Variants in GCFC2 observed in about 807,000 individuals in gnomAD.
GCFC2 encodes intron Large complex component GCFC2.
Under a neutral mutation model 99.4 loss-of-function variants are expected in GCFC2, and 102 were observed. The observed-to-expected ratio is 1.03, with a 90% CI of 0.87 to 1.21. GCFC2 has a LOEUF of 1.21. Among genes scored for constraint, GCFC2 ranks in the 50% most tolerant of loss-of-function variants. The pLI, the probability that GCFC2 is intolerant of heterozygous loss-of-function variation, is 0.00. For missense variants in GCFC2, 973 were observed against 920.9 expected (o/e 1.06, Z -0.73); for synonymous variants, 338 against 316.8 (o/e 1.07, Z -0.71).
chr2:75,702,969 G>A (rs529098967), intron 2 of GCFC2, among the ~76,000 whole-genome samples: 2 of 152,276 alleles, frequency 1.3e-5, no homozygotes, highest in South Asian at 2.1e-4. Flanking sequence ...TAGCCTCTGC[G>A]GTTCTGTAGT....
At chr2:75,688,948 T>C in intron 10 of GCFC2, 78 bp downstream of exon 10, 1 of 795,146 alleles carries the variant, frequency 1.3e-6, no homozygotes, top group Non-Finnish European at 2.1e-6. Context: ...GTAAGGTATT[T>C]AATGCCTAAC....
rs201807357 is a variant in GCFC2 at position 75,687,847 on chromosome 2, G to T, written c.1670C>A (p.Thr557Lys). Residue 557 changes from threonine (T) to lysine (K), a missense_variant, in exon 11 of 17, where the codon ACA becomes AAA. Coordinates refer to ENST00000321027, the MANE Select transcript of GCFC2 (RefSeq NM_003203.5). ...AGTACCTGTAAGTCGGGGAATAATT[G>T]TTTTGTTGATGATTGCAGACAAGAC... ...KKVLSAIINK[T>K]IIPRLTDFVE... is the part of the protein sequence containing the mutation. 1 of 1,605,620 alleles carries T rather than the reference G, an allele frequency of 6.2e-7. No homozygotes were observed. The highest frequency in any genetic ancestry group is 1.3e-5 in the African/African-American group (1 of 74,328).
Position 75,701,293 on chromosome 2 carries a change from G to C in GCFC2, c.620-6C>G, listed in dbSNP as rs753449346. On this transcript the variant is annotated splice_polypyrimidine_tract_variant and splice_region_variant and intron_variant, in intron 3 of 16. Coordinates refer to ENST00000321027, the MANE Select transcript of GCFC2 (RefSeq NM_003203.5). ...TGTTTCTTCATTTCTGCTTACTAGC[G>C]GAAAAAAAGCTCACATGTAAACGTT... 13 of 1,544,320 alleles carry C rather than the reference G, an allele frequency of 8.4e-6. No homozygotes were observed. The Admixed American group carries it at 1.9e-4, about 22-fold the overall frequency.
intron 15 of GCFC2, among the ~76,000 whole-genome samples, chr2:75,667,849 C>G (rs1678918446): frequency 6.6e-6 from 1 of 152,110 alleles, no homozygotes; most frequent in Non-Finnish European, 1.5e-5. Flanking sequence ...TAAACCTGAA[C>G]AACATTACAT....
chr2:75,688,419 T>C (rs1222490389), intron 10 of GCFC2, among the ~76,000 whole-genome samples: 2 of 152,246 alleles, frequency 1.3e-5, no homozygotes, highest in Non-Finnish European at 2.9e-5. Context: ...GTGATTTAGT[T>C]AAAGGTCCTA....
intron 11 of GCFC2, among the ~76,000 whole-genome samples, chr2:75,687,383 TTAAA>T (rs1442524593): frequency 6.6e-6 from 1 of 152,080 alleles, no homozygotes; most frequent in Non-Finnish European, 1.5e-5. Flanking sequence ...TAAACTGACT[TTAAA>T]TACTAAGTGA....
intron 12 of GCFC2, among the ~76,000 whole-genome samples, chr2:75,674,824 T>C (rs1395068058): frequency 2.6e-5 from 4 of 152,176 alleles, no homozygotes; most frequent in Non-Finnish European, 5.9e-5. Context: ...TAATTATCTA[T>C]AACATATTCC....
chr2:75,701,023 C>A (rs112015005), intron 4 of GCFC2, among the ~76,000 whole-genome samples, 167 bp downstream of exon 4: 10 of 152,190 alleles, frequency 6.6e-5, no homozygotes, highest in Non-Finnish European at 5.9e-5. Flanking sequence ...CTCCCCACAA[C>A]CCCCCAGGGC....
intron 11 of GCFC2, among the ~76,000 whole-genome samples, chr2:75,685,184 G>A (rs1160420389): frequency 6.6e-6 from 1 of 152,132 alleles, no homozygotes; most frequent in South Asian, 2.1e-4. Flanking sequence ...TTCTGCACAT[G>A]TACCCCAGAA....
rs186678161 is a variant in GCFC2, at chr2:75,670,130, C to T, written c.2103+8G>A. ...TAAAATTAGAATCAGTCTTCCTTCA[C>T]AACTTACCTGGTTGCACTTTTTAAC... On this transcript the variant is annotated splice_region_variant and intron_variant, in intron 15 of 16. Transcript: ENST00000321027. 1.2e-3 allele frequency: 1,828 copies of T among 1,577,006 alleles called. 4 individuals carry two copies. Among genetic ancestry groups the T allele is most frequent in the Middle Eastern group, 6.9e-3 (41 of 5,958 alleles).
rs576379158 is a variant in GCFC2 at position 75,693,502 on chromosome 2, T to C, written c.1020+739A>G. Among the ~76,000 whole-genome samples, 10 of 152,256 alleles carry C rather than the reference T, an allele frequency of 6.6e-5. No homozygotes were observed. In the East Asian group the frequency reaches 1.7e-3, roughly 26 times the overall value. On this transcript the variant is annotated intron_variant, in intron 6 of 16. Coordinates refer to ENST00000321027, the MANE Select transcript of GCFC2 (RefSeq NM_003203.5). ...ATGTGGAAAGTAGAGAATAATTTAT[T>C]GAAATGGTTAATCTATTTTTAAAAA...
At chr2:75,706,138 C>T (rs1178066832) in intron 2 of GCFC2, among the ~76,000 whole-genome samples, 1 of 152,224 alleles carries the variant, frequency 6.6e-6, no homozygotes, top group Non-Finnish European at 1.5e-5. Flanking sequence ...CAAATACTTT[C>T]AGCCAGAGCT....
At chr2:75,697,248 C>G (rs533948294) in intron 4 of GCFC2, among the ~76,000 whole-genome samples, 2 of 152,202 alleles carry the variant, frequency 1.3e-5, no homozygotes, top group Admixed American at 6.5e-5. Context: ...TACACAAAGA[C>G]ACATGAAGAA....
chr2:75,708,317 G>A (rs1680962874), intron 1 of GCFC2, among the ~76,000 whole-genome samples: 1 of 151,784 alleles, frequency 6.6e-6, no homozygotes, highest in South Asian at 2.1e-4. Context: ...GATTTTTTTG[G>A]TATTGTACAA....
At chr2:75,688,241 G>A (rs950392970) in intron 10 of GCFC2, among the ~76,000 whole-genome samples, 1 of 152,094 alleles carries the variant, frequency 6.6e-6, no homozygotes, top group South Asian at 2.1e-4. Context: ...GTGTGTGCCG[G>A]AGCCTTTAGA....
intron 1 of GCFC2, among the ~76,000 whole-genome samples, chr2:75,707,035 T>C (rs10178813): frequency 0.023 from 3,517 of 152,316 alleles, 134 homozygotes; most frequent in African/African-American, 0.08. Flanking sequence ...CTGTTTTACA[T>C]GACTTATTTA....
At chr2:75,670,331 A>G in intron 14 of GCFC2, 47 bp from the exon 15 acceptor site, 1 of 1,306,216 alleles carries the variant, frequency 7.7e-7, no homozygotes, top group Non-Finnish European at 1.1e-6. Flanking sequence ...CCAAAGAGAA[A>G]CTGTAATAGT....
At chr2:75,677,613 C>T (rs889679753) in intron 12 of GCFC2, among the ~76,000 whole-genome samples, 2 of 152,154 alleles carry the variant, frequency 1.3e-5, no homozygotes, top group Admixed American at 6.5e-5. Flanking sequence ...GACTGAAAAC[C>T]CTGATGTAAT....
chr2:75,689,089 T>A lies in GCFC2; in HGVS notation c.1476A>T (p.Leu492Phe), dbSNP rs775075253. ...PDSYYEAFISLCIPKLLNPLI... is the reference protein window; with the variant it reads ...PDSYYEAFISFCIPKLLNPLI... ...GGGGATTTAAAAGCTTTGGTATGCA[T>A]AAACTAATGAAAGCTTCATAATAGG... The change falls in exon 10 of 17, where the codon TTA (leucine) becomes TTT (phenylalanine). Residue 492 changes from leucine to phenylalanine, a missense_variant. Leu to Phe is a conservative substitution (Grantham distance 22, BLOSUM62 0). Coordinates refer to ENST00000321027, the MANE Select transcript of GCFC2 (RefSeq NM_003203.5). 1 of 1,599,680 alleles carries A rather than the reference T, an allele frequency of 6.3e-7. No individual in the cohort carries two copies. Among genetic ancestry groups the A allele is most frequent in the Non-Finnish European group, 8.6e-7 (1 of 1,168,498 alleles).
Sources: allele counts gnomAD v4.1 joint callset (sites outside exome capture counted in the v4.1 genomes callset), GRCh38; gene constraint gnomAD v4.1.1; transcripts MANE v1.5; gene names NCBI Gene and HGNC (gene_info 2026-07-23, HGNC 2026-07-21).